TASP1: variants seen among roughly 807,000 people sequenced by gnomAD.
TASP1 encodes the protein threonine aspartase 1.
TASP1 carries 16 observed loss-of-function variants against 56.6 expected under a neutral mutation model. The observed-to-expected ratio is 0.28, with a 90% CI of 0.19 to 0.43. The LOEUF is 0.43. TASP1 is among the 20% of genes least tolerant of loss of function. TASP1 has a pLI of 1.00. For missense variants in TASP1, 393 were observed against 511.6 expected (o/e 0.77, Z 2.24); for synonymous variants, 179 against 184.2 (o/e 0.97, Z 0.23).
At position 13,399,828 on chromosome 20, in the gene TASP1, A is replaced by G. The variant is rs80186315; in HGVS notation, c.1171-9376T>C. Among the ~76,000 whole-genome samples, 1,323 of 152,268 alleles carry G rather than the reference A, an allele frequency of 8.7e-3. 21 individuals carry two copies. Among genetic ancestry groups the G allele is most frequent in the African/African-American group, 0.03 (1,228 of 41,536 alleles). ...AAATACTGACCATGGATAAAAAACT[A>G]TGTAATCTATCTGACCTTCCATTGC... is the stretch of plus-strand genomic sequence containing the variant. On this transcript the variant is annotated intron_variant, in intron 13 of 13. Transcript: ENST00000337743.
the TASP1 span, among the ~76,000 whole-genome samples, chr20:13,348,833 TC>T: frequency 6.6e-6 from 1 of 152,154 alleles, no homozygotes. Flanking sequence ...GAGGAATATT[TC>T]CCTCCCTTTA....
chr20:13,372,532 T>A, the TASP1 span, among the ~76,000 whole-genome samples: 1 of 151,322 alleles, frequency 6.6e-6, no homozygotes, highest in Non-Finnish European at 1.5e-5. Flanking sequence ...ATGTTATATA[T>A]GTATACACAT....
the TASP1 span, among the ~76,000 whole-genome samples, chr20:13,290,532 C>G: frequency 6.6e-6 from 1 of 152,064 alleles, no homozygotes; most frequent in Admixed American, 6.6e-5. Flanking sequence ...GCCTGTAGTC[C>G]CAGCTACTCG....
At chr20:13,216,702 A>T in the TASP1 span, among the ~76,000 whole-genome samples, 2 of 152,200 alleles carry the variant, frequency 1.3e-5, no homozygotes, top group Admixed American at 6.5e-5. Flanking sequence ...TTTTTAAAAA[A>T]GTTTATTTCT....
In TASP1 at chr20:13,390,173, C is replaced by T. The variant is rs544179563; in HGVS notation, c.*187G>A. ...ACGCGCACACACTCACACACAGTCC[C>T]GCTCACCCACCAAAGGCCCGCGTGT... On this transcript the variant is annotated 3_prime_UTR_variant, in exon 14 of 14. Transcript: ENST00000337743. 2.1e-5 allele frequency: 12 copies of T among 565,242 alleles called. No individual in the cohort carries two copies. The highest frequency in any genetic ancestry group is 3.9e-5 in the South Asian group (2 of 50,944). 35.0% of individuals were successfully genotyped at this position (565,242 alleles called of 1,614,324 possible).
chr20:13,416,102 T>C (rs545122937), intron 13 of TASP1, among the ~76,000 whole-genome samples: 44 of 152,284 alleles, frequency 2.9e-4, no homozygotes, highest in Non-Finnish European at 3.5e-4. Flanking sequence ...TAAGTAAAAT[T>C]TAAAATTCAG....
intron 13 of TASP1, among the ~76,000 whole-genome samples, chr20:13,396,270 T>C (rs1472420446): frequency 2.0e-5 from 3 of 152,310 alleles, no homozygotes; most frequent in Admixed American, 2.0e-4. Context: ...ATTCTAAGCA[T>C]TCTTTGTGTG....
the TASP1 span, among the ~76,000 whole-genome samples, chr20:13,107,640 A>G: frequency 6.6e-6 from 1 of 152,194 alleles, no homozygotes. Context: ...TAAAACAAAG[A>G]TCCACCATTC....
chr20:13,426,438 A>G (rs1288023272), intron 12 of TASP1, among the ~76,000 whole-genome samples: 1 of 152,200 alleles, frequency 6.6e-6, no homozygotes, highest in Admixed American at 6.5e-5. Context: ...CCAAAAAATA[A>G]TATTTCTTGG....
intron 11 of TASP1, among the ~76,000 whole-genome samples, chr20:13,476,659 T>G (rs1343799862): frequency 3.3e-5 from 5 of 152,190 alleles, no homozygotes; most frequent in Non-Finnish European, 7.3e-5. Context: ...ATCTTGTATA[T>G]GCATAGCTGT....
chr20:13,290,595 G>A, the TASP1 span, among the ~76,000 whole-genome samples: 2 of 152,090 alleles, frequency 1.3e-5, no homozygotes, highest in Non-Finnish European at 1.5e-5. Context: ...CTTGCAGTGA[G>A]CCAAGTGAGC....
At position 13,599,680 on chromosome 20, in the gene TASP1, A is replaced by T. The variant is rs190455386; in HGVS notation, c.283-12310T>A. Among the ~76,000 whole-genome samples, 57 of 151,682 alleles carry T rather than the reference A, an allele frequency of 3.8e-4. 1 individual carries two copies. The highest frequency in any genetic ancestry group is 9.4e-4 in the African/African-American group (39 of 41,350). On this transcript the variant is annotated intron_variant, in intron 4 of 13. Coordinates refer to ENST00000337743, the MANE Select transcript of TASP1 (RefSeq NM_017714.3). ...ACCCTAGAACTTAAAGTATAATTTT[A>T]AAAAAAAATCAATGTAATTCACCAT...
chr20:13,358,942 C>T, the TASP1 span, among the ~76,000 whole-genome samples: 40 of 150,936 alleles, frequency 2.7e-4, no homozygotes, highest in Admixed American at 2.6e-3. Flanking sequence ...TACCCCTCAA[C>T]CCCTTCTCTC....
At chr20:13,260,728 C>T in the TASP1 span, among the ~76,000 whole-genome samples, 1 of 152,140 alleles carries the variant, frequency 6.6e-6, no homozygotes, top group South Asian at 2.1e-4. Flanking sequence ...TTCTACCTCA[C>T]CATGGTCATT....
At chr20:13,424,419 T>C (rs1045538611) in intron 12 of TASP1, among the ~76,000 whole-genome samples, 5 of 152,124 alleles carry the variant, frequency 3.3e-5, no homozygotes, top group African/African-American at 7.2e-5. Flanking sequence ...GTACTGAAAA[T>C]TGAAGTTTAT....
At chr20:13,163,759 T>C in the TASP1 span, among the ~76,000 whole-genome samples, 1 of 152,094 alleles carries the variant, frequency 6.6e-6, no homozygotes, top group Non-Finnish European at 1.5e-5. Context: ...TTAACAACCC[T>C]CACCTTACCT....
At chr20:13,555,039 T>G (rs1463300268) in intron 8 of TASP1, among the ~76,000 whole-genome samples, 1 of 152,196 alleles carries the variant, frequency 6.6e-6, no homozygotes, top group Non-Finnish European at 1.5e-5. Context: ...CTTTCAAAAC[T>G]GGATTCAACT....
chr20:13,111,352 C>T, the TASP1 span, among the ~76,000 whole-genome samples: 1 of 152,146 alleles, frequency 6.6e-6, no homozygotes, highest in East Asian at 1.9e-4. Context: ...TGAGCTTGTC[C>T]TTGCCCCAGC....
chr20:13,440,051 G>A lies in TASP1; in HGVS notation c.986-4897C>T, dbSNP rs1331446005. ...TAAAAACTTTCAAATGGGAAGAAAAGATCACATGGAAAGCAATGGTATTAC... is the reference window on the plus strand; with the variant it reads ...TAAAAACTTTCAAATGGGAAGAAAAAATCACATGGAAAGCAATGGTATTAC... On this transcript the variant is annotated intron_variant, in intron 11 of 13. Transcript: ENST00000337743. Among the ~76,000 whole-genome samples, 3 of 152,098 alleles carry A rather than the reference G, an allele frequency of 2.0e-5. No individual in the cohort carries two copies. In the East Asian group the frequency reaches 5.8e-4, roughly 29 times the overall value.
Sources: allele counts gnomAD v4.1 joint callset (sites outside exome capture counted in the v4.1 genomes callset), GRCh38; gene constraint gnomAD v4.1.1; transcripts MANE v1.5; gene names NCBI Gene and HGNC (gene_info 2026-07-23, HGNC 2026-07-21).